Variants in AIFM1 observed in about 807,000 individuals in gnomAD.
The protein encoded by AIFM1 is apoptosis-inducing factor 1, mitochondrial.
AIFM1 carries 3 observed loss-of-function variants against 51.7 expected under a neutral mutation model. The ratio of observed to expected loss-of-function variants is 0.06; its 90% CI spans 0.03 to 0.15. AIFM1 has a LOEUF of 0.15. Ranked by LOEUF, AIFM1 falls within the 10% of genes least tolerant of loss-of-function variation. AIFM1 has a pLI of 1.00. For synonymous variants in AIFM1, 178 were observed against 179.4 expected, an observed-to-expected ratio of 0.99 and a Z score of 0.06; for missense variants, 330 against 476.8, an observed-to-expected ratio of 0.69 and a Z score of 2.87.
At chrX:130,142,548 C>G (rs1415539877) in intron 6 of AIFM1, among the ~76,000 whole-genome samples, 1 of 111,969 alleles carries the variant, frequency 8.9e-6, no homozygotes, top group African/African-American at 3.2e-5. Context: ...ATTCTATGTC[C>G]TCTTCACGCT....
At chrX:130,160,993 A>G (rs776814783) in intron 1 of AIFM1, among the ~76,000 whole-genome samples, 1 of 112,152 alleles carries the variant, frequency 8.9e-6, no homozygotes, top group East Asian at 2.8e-4. Context: ...TTGCTTAATC[A>G]TAAATGAGTA....
At chrX:130,140,458 T>C in intron 7 of AIFM1, 75 bp downstream of exon 7, 8 of 879,649 alleles carry the variant, frequency 9.1e-6, no homozygotes, top group South Asian at 6.0e-5. Context: ...TAGTAATGCC[T>C]TCCATAGAGA....
intron 7 of AIFM1, 107 bp downstream of exon 7, chrX:130,140,426 T>C: frequency 1.5e-6 from 1 of 669,144 alleles, no homozygotes; most frequent in South Asian, 2.2e-5. Flanking sequence ...CTTCAGAGAG[T>C]CTGGGTTTCC....
intron 3 of AIFM1, among the ~76,000 whole-genome samples, chrX:130,149,066 C>T (rs1373560540): frequency 5.6e-5 from 6 of 106,675 alleles, no homozygotes; most frequent in South Asian, 4.2e-4. Context: ...GGATTACAGG[C>T]GTGCACCACC....
chrX:130,134,924 T>C (rs1182066909), intron 12 of AIFM1, among the ~76,000 whole-genome samples: 1 of 111,389 alleles, frequency 9.0e-6, no homozygotes, highest in Admixed American at 9.6e-5. Context: ...AGCAGAATAT[T>C]ATATATAGTA....
At chrX:130,136,831 T>C (rs1181439014) in intron 10 of AIFM1, 100 bp from the exon 11 acceptor site, 4 of 1,025,696 alleles carry the variant, frequency 3.9e-6, no homozygotes, top group Non-Finnish European at 5.5e-6. Context: ...TAAAACCAAT[T>C]ATCAGTACAC....
At position 130,139,830 on chromosome X, in the gene AIFM1, C is replaced by T; in HGVS notation, c.823G>A (p.Ala275Thr). The T allele has an allele frequency of 8.3e-7, 1 of 1,211,441 alleles. No homozygotes were observed. ...AGCGTTGTTCTACTCTTCACCTCTG[C>T]TCCAGCCCTATCAATGGCAGACAGA... The part of the protein sequence containing the change: ...RSLSAIDRAG[A>T]EVKSRTTLFR... The change falls in exon 8 of 16, where the codon GCA becomes ACA. Residue 275 changes from alanine (A) to threonine (T), a missense_variant. By Grantham distance (58) the Ala-to-Thr change is moderately conservative. Coordinates refer to ENST00000287295, the MANE Select transcript of AIFM1 (RefSeq NM_004208.4).
chrX:130,136,539 T>G, intron 11 of AIFM1, 104 bp downstream of exon 11: 1 of 742,874 alleles, frequency 1.3e-6, no homozygotes, highest in Non-Finnish European at 2.1e-6. Context: ...TAATGGCAAC[T>G]GCCAGGAAAA....
At chrX:130,137,766 G>T (rs1226942026) in intron 9 of AIFM1, 1 of 1,006,835 alleles carries the variant, frequency 9.9e-7, no homozygotes, top group Non-Finnish European at 1.3e-6. Flanking sequence ...AGAAAGGAAA[G>T]AAAGTATTGC....
At chrX:130,153,324 G>A (rs1343598558) in intron 2 of AIFM1, among the ~76,000 whole-genome samples, 1 of 90,919 alleles carries the variant, frequency 1.1e-5, no homozygotes, top group African/African-American at 4.3e-5. Context: ...CTGCACTCCA[G>A]CCTGGGCGAC....
At chrX:130,161,210 A>T (rs1201882942) in intron 1 of AIFM1, among the ~76,000 whole-genome samples, 2 of 110,899 alleles carry the variant, frequency 1.8e-5, no homozygotes, top group Non-Finnish European at 3.8e-5. Flanking sequence ...TGATTTTTCC[A>T]GCATGGAGAA....
At chrX:130,165,277 G>A in intron 1 of AIFM1, among the ~76,000 whole-genome samples, 1 of 110,306 alleles carries the variant, frequency 9.1e-6, no homozygotes, top group Non-Finnish European at 1.9e-5. Flanking sequence ...GGGAGGCGCC[G>A]ACAGCCAGTT....
chrX:130,154,839 T>C (rs765921237), intron 2 of AIFM1, among the ~76,000 whole-genome samples: 1 of 112,767 alleles, frequency 8.9e-6, no homozygotes, highest in East Asian at 2.8e-4. Flanking sequence ...TCTTGTTAGA[T>C]ATGCAGCACT....
Position 130,133,432 on chromosome X carries a change from G to A in AIFM1, c.1329C>T (p.Tyr443=), listed in dbSNP as rs143792929. Residue 443 remains tyrosine (Y), a synonymous_variant, in exon 13 of 16, where the codon TAC becomes TAT. Transcript: ENST00000287295. ...IWVAGDAACF[Y]DIKLGRRRVE... is the part of the protein sequence containing the mutation. ...CCCGCCTCCTTCCCAACTTTATATC[G>A]TAGAAGCATGCAGCATCTCCTGCCT... 1.3e-3 allele frequency: 1,526 copies of A among 1,206,988 alleles called. 2 individuals are homozygous for A. Among genetic ancestry groups the A allele is most frequent in the Non-Finnish European group, 1.6e-3 (1,435 of 894,487 alleles).
In AIFM1 at chrX:130,146,571, G is replaced by A. The variant is rs181408773; in HGVS notation, c.605+922C>T. 2.6e-3 allele frequency among the ~76,000 whole-genome samples: 280 copies of A among 109,643 alleles called. 1 individual carries two copies. Among genetic ancestry groups the A allele is most frequent in the African/African-American group, 9.0e-3 (272 of 30,065 alleles). Reference sequence around the variant, plus strand: ...CTGTTTGAAAATGGAACTAGTGGGGGTGAGGGAAAAGGGTAAGTTTGTAAA... The same window carrying A: ...CTGTTTGAAAATGGAACTAGTGGGGATGAGGGAAAAGGGTAAGTTTGTAAA... On this transcript the variant is annotated intron_variant, in intron 5 of 15. Coordinates refer to ENST00000287295, the MANE Select transcript of AIFM1 (RefSeq NM_004208.4).
Position 130,137,325 on chromosome X carries a change from G to A in AIFM1, c.968-140C>T, listed in dbSNP as rs1025376221. 7.7e-6 allele frequency: 9 copies of A among 1,173,753 alleles called. No individual in the cohort carries two copies. In the Admixed American group the frequency reaches 1.0e-4, roughly 13 times the overall value. Reference sequence around the variant, plus strand: ...ATCCAGGCCGAGCGCCCACTTACAGGACAGTGGGCATGAGGGCCTCGGTGC... The same window carrying A: ...ATCCAGGCCGAGCGCCCACTTACAGAACAGTGGGCATGAGGGCCTCGGTGC... On this transcript the variant is annotated intron_variant, in intron 9 of 15. Transcript: ENST00000287295.
intron 2 of AIFM1, among the ~76,000 whole-genome samples, chrX:130,153,653 A>C (rs939028041): frequency 9.0e-6 from 1 of 110,775 alleles, no homozygotes; most frequent in African/African-American, 3.3e-5. Flanking sequence ...AATCAGATAG[A>C]GCTGGAGCTC....
rs1376473539 is a variant in AIFM1, at chrX:130,165,630, C to G, written c.27G>C (p.Ala9=). The stretch of plus-strand genomic sequence containing the variant: ...GCACCAGCTTCTGCTTCAAAGCACC[C>G]GCCGCCAGGCCTCCACACCGGAACA... MFRCGGLA[A]GALKQKLVPL... The change falls in exon 1 of 16, where the codon GCG becomes GCC. Residue 9 remains alanine (A), a synonymous_variant. Transcript: ENST00000287295. The G allele has an allele frequency of 2.5e-6, 3 of 1,201,471 alleles. No individual in the cohort carries two copies. The highest frequency in any genetic ancestry group is 1.1e-6 in the Non-Finnish European group (1 of 889,851).
chrX:130,132,935 C>G lies in AIFM1; in HGVS notation c.1448+378G>C, dbSNP rs933932794. On this transcript the variant is annotated intron_variant, in intron 13 of 15. Transcript: ENST00000287295. Reference sequence around the variant, plus strand: ...CTAATTTTTGTATTTTTAGTAGAGACGGGGTTTCACCATGTTGGTCAGGCT... The same window carrying G: ...CTAATTTTTGTATTTTTAGTAGAGAGGGGGTTTCACCATGTTGGTCAGGCT... Among the ~76,000 whole-genome samples the G allele has an allele frequency of 1.7e-3, 187 of 110,053 alleles. 1 individual carries two copies. The highest frequency in any genetic ancestry group is 6.1e-3 in the African/African-American group (184 of 30,248).
Sources: gnomAD v4.1 joint callset for allele counts (sites outside exome capture counted in the v4.1 genomes callset) on GRCh38, gnomAD v4.1.1 for gene constraint, MANE v1.5 for transcripts, NCBI Gene and HGNC (gene_info 2026-07-23, HGNC 2026-07-21) for gene names.